HOMER2: variants seen among roughly 807,000 people sequenced by gnomAD.
HOMER2 encodes the protein homer protein homolog 2.
Under a neutral mutation model 47.0 loss-of-function variants are expected in HOMER2, and 27 were observed. That is an observed-to-expected ratio of 0.57 (90% CI 0.42 to 0.79). The LOEUF is 0.79. Among genes scored for constraint, HOMER2 ranks in the 30% least tolerant of loss-of-function variants. HOMER2 has a pLI of 0.00. For synonymous variants in HOMER2, 161 were observed against 163.8 expected (o/e 0.98, Z 0.13); for missense variants, 443 against 435.0 (o/e 1.02, Z -0.16).
intron 1 of HOMER2, among the ~76,000 whole-genome samples, chr15:82,919,203 G>T (rs1490532189): frequency 6.6e-6 from 1 of 152,196 alleles, no homozygotes; most frequent in Non-Finnish European, 1.5e-5. Context: ...TGTGCTTCTG[G>T]ATCTCTTCTG....
At chr15:82,902,609 T>C (rs1265660489) in intron 1 of HOMER2, among the ~76,000 whole-genome samples, 3 of 152,218 alleles carry the variant, frequency 2.0e-5, no homozygotes, top group African/African-American at 7.2e-5. Context: ...AGGAACCGTT[T>C]GTGTTCTTCC....
At chr15:82,853,019 A>G (rs2151603941) in intron 6 of HOMER2, among the ~76,000 whole-genome samples, 1 of 152,326 alleles carries the variant, frequency 6.6e-6, no homozygotes, top group Admixed American at 6.5e-5. Context: ...ATGCAACACA[A>G]AAGCACTGTA....
At position 82,854,670 on chromosome 15, in the gene HOMER2, C is replaced by T. The variant is rs1228489018; in HGVS notation, c.625G>A (p.Asp209Asn). 9 of 1,612,900 alleles carry T rather than the reference C, an allele frequency of 5.6e-6. No individual in the cohort carries two copies. The East Asian group carries it at 2.0e-4, about 36-fold the overall frequency. ...QWKRQFSICRDENDRLRNKID... is the reference protein window; with the variant it reads ...QWKRQFSICRNENDRLRNKID... ...TTGTTGCGGAGCCGGTCATTCTCAT[C>T]ACGGCAGATGGAGAACTGCCTCTTC... is the stretch of plus-strand genomic sequence containing the variant. The change falls in exon 6 of 9, where the codon GAT (aspartate) becomes AAT (asparagine). Residue 209 changes from aspartate to asparagine, a missense_variant. By Grantham distance (23) the Asp-to-Asn change is conservative (BLOSUM62 1). Coordinates refer to ENST00000450735, the MANE Select transcript of HOMER2 (RefSeq NM_004839.4).
intron 2 of HOMER2, among the ~76,000 whole-genome samples, chr15:82,880,506 G>T (rs1596321406): frequency 6.6e-6 from 1 of 152,078 alleles, no homozygotes. Context: ...GGTACATATG[G>T]GTTTGCTTTA....
In HOMER2 at chr15:82,867,796, A is replaced by C. The variant is rs190507880; in HGVS notation, c.295-3537T>G. On this transcript the variant is annotated intron_variant, in intron 3 of 8. Coordinates refer to ENST00000450735, the MANE Select transcript of HOMER2 (RefSeq NM_004839.4). ...TTCTGGGAAACCATTCTGCCAAAAT[A>C]ATTGAGAATATGGGGGGAAAAAAGG... Among the ~76,000 whole-genome samples the C allele has an allele frequency of 1.5e-3, 234 of 152,316 alleles. 2 individuals are homozygous for C. The highest frequency in any genetic ancestry group is 5.5e-3 in the African/African-American group (227 of 41,568).
At chr15:82,973,073 A>G (rs1269945578) in intron 1 of HOMER2, among the ~76,000 whole-genome samples, 1 of 152,140 alleles carries the variant, frequency 6.6e-6, no homozygotes, top group Non-Finnish European at 1.5e-5. Context: ...GGAACTATAA[A>G]CTGTGTCCAG....
intron 1 of HOMER2, among the ~76,000 whole-genome samples, chr15:82,927,263 G>A (rs2053876141): frequency 6.7e-6 from 1 of 148,382 alleles, no homozygotes; most frequent in Non-Finnish European, 1.5e-5. Context: ...TTCATTTAAT[G>A]CATGTCTCAT....
At position 82,912,789 on chromosome 15, in the gene HOMER2, T is replaced by C. The variant is rs149327542; in HGVS notation, c.6-19948A>G. Among the ~76,000 whole-genome samples, 89 of 152,190 alleles carry C rather than the reference T, an allele frequency of 5.8e-4. 1 individual carries two copies. In the East Asian group the frequency reaches 0.016, roughly 27 times the overall value. ...TTTTTGATATAGCCATCCTACTGGGTGTGAAGTGAAGGATGACAGATACCG... is the reference window on the plus strand; with the variant it reads ...TTTTTGATATAGCCATCCTACTGGGCGTGAAGTGAAGGATGACAGATACCG... On this transcript the variant is annotated intron_variant, in intron 1 of 8. Coordinates refer to ENST00000450735, the MANE Select transcript of HOMER2 (RefSeq NM_004839.4).
chr15:82,952,365 C>T (rs993680299), intron 1 of HOMER2, among the ~76,000 whole-genome samples, 166 bp downstream of exon 1: 23 of 152,106 alleles, frequency 1.5e-4, no homozygotes, highest in African/African-American at 5.6e-4. Flanking sequence ...CGGCGGAGGG[C>T]GCGGGTCAGG....
At chr15:82,891,240 G>A (rs1193616838) in intron 2 of HOMER2, among the ~76,000 whole-genome samples, 5 of 152,202 alleles carry the variant, frequency 3.3e-5, no homozygotes, top group South Asian at 2.1e-4. Context: ...CTGGGCACCC[G>A]CCCCGGCCTA....
At chr15:82,861,976 T>C (rs1596308392) in intron 4 of HOMER2, among the ~76,000 whole-genome samples, 1 of 152,174 alleles carries the variant, frequency 6.6e-6, no homozygotes, top group East Asian at 1.9e-4. Context: ...TGAGCAGAGG[T>C]TGCAGCAAGC....
chr15:82,894,811 C>A (rs2052852382), intron 1 of HOMER2, among the ~76,000 whole-genome samples: 1 of 143,722 alleles, frequency 7.0e-6, no homozygotes, highest in African/African-American at 2.6e-5. Context: ...ATAAAAGAGA[C>A]ATAGACAAGA....
chr15:82,837,422 A>T (rs1054434787), exon 2 of HOMER2: 3 of 152,242 alleles, frequency 2.0e-5, no homozygotes, highest in African/African-American at 7.2e-5. Flanking sequence ...GTCCTCATCC[A>T]GGTTTTTTTG....
chr15:82,857,467 G>A (rs2051626283), intron 5 of HOMER2, among the ~76,000 whole-genome samples: 1 of 113,966 alleles, frequency 8.8e-6, no homozygotes, highest in South Asian at 3.0e-4. Flanking sequence ...GTCTTGCTCT[G>A]TCGACCCGGC....
chr15:82,843,317 G>A (rs894479509), exon 2 of HOMER2: 3 of 151,436 alleles, frequency 2.0e-5, no homozygotes, highest in Non-Finnish European at 4.4e-5. Context: ...GCATACACTT[G>A]TAGTCCCAGC....
chr15:82,943,327 C>T (rs1284760859), intron 1 of HOMER2, among the ~76,000 whole-genome samples: 1 of 152,188 alleles, frequency 6.6e-6, no homozygotes, highest in African/African-American at 2.4e-5. Flanking sequence ...TCCCAGCTCC[C>T]ACAACCAACG....
At chr15:82,880,389 T>C (rs1016259484) in intron 2 of HOMER2, among the ~76,000 whole-genome samples, 19 of 152,220 alleles carry the variant, frequency 1.2e-4, no homozygotes, top group Non-Finnish European at 1.5e-5. Context: ...ACACTCTTAA[T>C]AGAGTGGTGA....
rs187516668 is a variant in HOMER2, at chr15:82,867,747, T to C, written c.295-3488A>G. Among the ~76,000 whole-genome samples the C allele has an allele frequency of 1.0e-3, 154 of 152,238 alleles. 1 individual carries two copies. The highest frequency in any genetic ancestry group is 3.6e-3 in the African/African-American group (148 of 41,528). ...GTCTTGTTAGTGAAAAAAACATTCA[T>C]ACCTACTGACCCAGTGATACTGCTT... On this transcript the variant is annotated intron_variant, in intron 3 of 8. Transcript: ENST00000450735.
chr15:82,905,145 C>T (rs1567045155), intron 1 of HOMER2, among the ~76,000 whole-genome samples: 2 of 152,032 alleles, frequency 1.3e-5, no homozygotes, highest in Admixed American at 6.5e-5. Flanking sequence ...GCCTTTGATG[C>T]GTTCATTAGT....
Sources: allele counts gnomAD v4.1 joint callset (sites outside exome capture counted in the v4.1 genomes callset), GRCh38; gene constraint gnomAD v4.1.1; transcripts MANE v1.5; gene names NCBI Gene and HGNC (gene_info 2026-07-23, HGNC 2026-07-21).